The following RNF208 variants were observed in gnomAD, a reference collection of about 807,000 sequenced individuals.
RNF208 encodes ring finger protein 208.
A neutral mutation model predicts 15.2 loss-of-function variants in RNF208; 7 were observed. The observed-to-expected ratio is 0.46, with a 90% CI of 0.26 to 0.86. The LOEUF is 0.86. Ranked by LOEUF, RNF208 falls within the 40% of genes least tolerant of loss-of-function variation. The pLI is 0.16. For missense variants in RNF208, 342 were observed against 364.1 expected, an observed-to-expected ratio of 0.94 and a Z score of 0.49; for synonymous variants, 211 against 163.2, an observed-to-expected ratio of 1.29 and a Z score of -2.23.
chr9:137,220,368 G>T lies in RNF208; in HGVS notation c.*59C>A. On this transcript the variant is annotated 3_prime_UTR_variant, in exon 2 of 2. Transcript: ENST00000391553. ...GGTCAGCGGGCGGCAGGGCAGGGCC[G>T]GGTCCCTGAAGAAGCAGCGAGCGAG... 6.8e-7 allele frequency: 1 copy of T among 1,474,592 alleles called. No homozygotes were observed. The highest frequency in any genetic ancestry group is 2.4e-5 in the East Asian group (1 of 41,870). The allele number at this position is 1,474,592 out of a possible 1,614,324, so 91.3% of individuals were successfully genotyped here.
At position 137,220,655 on chromosome 9, in the gene RNF208, G is replaced by T; in HGVS notation, c.558C>A (p.Cys186Ter). 6.2e-7 allele frequency: 1 copy of T among 1,612,578 alleles called. No homozygotes were observed. The stretch of plus-strand genomic sequence containing the variant: ...GCACAGTCTCACGGCGGCAGGTGGG[G>T]CAGGAGATGAACTTGTACTTGGGGC... ...ESCPKYKFIS[C>*]PTCRRETVLF... The change falls in exon 2 of 2, where the codon TGC becomes TGA. Residue 186 changes from cysteine to a stop codon, truncating the protein, a stop_gained. Coordinates refer to ENST00000391553, the MANE Select transcript of RNF208 (RefSeq NM_031297.7). LOFTEE classifies it high-confidence loss of function.
upstream of RNF208, among the ~76,000 whole-genome samples, chr9:137,222,363 C>T (rs948111320): frequency 6.6e-6 from 1 of 151,218 alleles, no homozygotes; most frequent in African/African-American, 2.4e-5. Flanking sequence ...CCCCTCGGTC[C>T]GCTCCCGGCG....
At position 137,220,373 on chromosome 9, in the gene RNF208, C is replaced by A; in HGVS notation, c.*54G>T. On this transcript the variant is annotated 3_prime_UTR_variant, in exon 2 of 2. Coordinates refer to ENST00000391553, the MANE Select transcript of RNF208 (RefSeq NM_031297.7). ...GCGGGCGGCAGGGCAGGGCCGGGTC[C>A]CTGAAGAAGCAGCGAGCGAGGCTCA... 1 of 1,494,894 alleles carries A rather than the reference C, an allele frequency of 6.7e-7. No homozygotes were observed. Among genetic ancestry groups the A allele is most frequent in the East Asian group, 2.4e-5 (1 of 42,224 alleles). 92.6% of individuals were successfully genotyped at this position (1,494,894 alleles called of 1,614,324 possible). A position where few individuals can be genotyped will look rare whatever the true frequency, so the allele number is the denominator to read the frequency against.
At position 137,221,186 on chromosome 9, in the gene RNF208, C is replaced by T. The variant is rs745657357; in HGVS notation, c.27G>A (p.Ala9=). 8 of 1,515,260 alleles carry T rather than the reference C, an allele frequency of 5.3e-6. No homozygotes were observed. The highest frequency in any genetic ancestry group is 1.4e-5 in the African/African-American group (1 of 71,826). The allele number at this position is 1,515,260 out of a possible 1,614,324, so 93.9% of individuals were successfully genotyped here. MPSDPGPE[A]GSGWPGLLMS... ...TGAGGAGGCCCGGCCAGCCACTGCC[C>T]GCCTCGGGCCCGGGGTCAGAGGGCA... is the stretch of plus-strand genomic sequence containing the variant. Residue 9 remains alanine, a synonymous_variant, in exon 2 of 2, where the codon GCG becomes GCA. Transcript: ENST00000391553.
upstream of RNF208, among the ~76,000 whole-genome samples, chr9:137,222,604 G>T (rs542765605): frequency 2.8e-4 from 42 of 152,238 alleles, no homozygotes; most frequent in Non-Finnish European, 5.6e-4. Flanking sequence ...GCCTTCCCCC[G>T]TCCCCGGCCC....
upstream of RNF208, among the ~76,000 whole-genome samples, chr9:137,223,084 T>C (rs975950479): frequency 2.0e-5 from 3 of 152,244 alleles, no homozygotes; most frequent in Non-Finnish European, 4.4e-5. Flanking sequence ...GCACCTGCTC[T>C]AGGCAGAGCC....
rs1232995022 is a variant in RNF208 at position 137,221,170 on chromosome 9, C to G, written c.43G>C (p.Gly15Arg). Residue 15 changes from glycine (G) to arginine (R), a missense_variant, in exon 2 of 2, where the codon GGC becomes CGC. This residue lies in a region of RNF208 where 207 missense variants were observed against 193.7 expected (regional missense o/e 1.07). Transcript: ENST00000391553. ...CCCTTCAGGCAGGACATGAGGAGGC[C>G]CGGCCAGCCACTGCCCGCCTCGGGC... is the stretch of plus-strand genomic sequence containing the variant. ...PGPEAGSGWP[G>R]LLMSCLKGPH... is the part of the protein sequence containing the mutation. 6.5e-7 allele frequency: 1 copy of G among 1,542,900 alleles called. No individual in the cohort carries two copies. Among genetic ancestry groups the G allele is most frequent in the Non-Finnish European group, 8.8e-7 (1 of 1,141,434 alleles).
chr9:137,221,138 A>T lies in RNF208; in HGVS notation c.75T>A (p.His25Gln). ...TCATGGCCTCCATCTTGAGGATGAC[A>T]TGGGGACCCTTCAGGCAGGACATGA... is the stretch of plus-strand genomic sequence containing the variant. ...GLLMSCLKGPHVILKMEAMKI... is the reference protein window; with the variant it reads ...GLLMSCLKGPQVILKMEAMKI... Residue 25 changes from histidine to glutamine, a missense_variant, in exon 2 of 2, where the codon CAT (histidine) becomes CAA (glutamine). Physicochemically the swap from His to Gln is conservative, Grantham distance 24. This residue lies in a region of RNF208 where 207 missense variants were observed against 193.7 expected (regional missense o/e 1.07). Coordinates refer to ENST00000391553, the MANE Select transcript of RNF208 (RefSeq NM_031297.7). 6.3e-7 allele frequency: 1 copy of T among 1,592,582 alleles called. No homozygotes were observed. Among genetic ancestry groups the T allele is most frequent in the Non-Finnish European group, 8.6e-7 (1 of 1,168,262 alleles).
chr9:137,221,331 C>T lies in RNF208; in HGVS notation c.-119G>A, dbSNP rs1042851887. 4.4e-6 allele frequency: 3 copies of T among 688,900 alleles called. No individual in the cohort carries two copies. The highest frequency in any genetic ancestry group is 1.8e-5 in the African/African-American group (1 of 54,496). 42.7% of individuals were successfully genotyped at this position (688,900 alleles called of 1,614,324 possible). ...GGCCTGGGGGGGGCCCCGGACGGCC[C>T]GTGGACTCCTAGGGACAGCCGGCGA... On this transcript the variant is annotated 5_prime_UTR_variant, in exon 2 of 2. Transcript: ENST00000391553.
rs1835878541 is a variant in RNF208, at chr9:137,222,013, G to A, written c.-551C>T. ...CCTGCCCCAGCCTGGCGTCCCGGCC[G>A]CGCGCCGCCGCCGCAGAGGTTGTCT... On this transcript the variant is annotated 5_prime_UTR_variant, in exon 1 of 2. Transcript: ENST00000391553. Among the ~76,000 whole-genome samples, 1 of 151,150 alleles carries A rather than the reference G, an allele frequency of 6.6e-6. No individual in the cohort carries two copies. Among genetic ancestry groups the A allele is most frequent in the Admixed American group, 6.6e-5 (1 of 15,196 alleles).
chr9:137,222,518 G>A (rs968208364), upstream of RNF208, among the ~76,000 whole-genome samples: 2 of 152,162 alleles, frequency 1.3e-5, no homozygotes, highest in Admixed American at 6.5e-5. Flanking sequence ...ACAGTAGGAG[G>A]CCTCAGGACT....
rs1406139692 is a variant in RNF208 at position 137,221,252 on chromosome 9, G to A, written c.-40C>T. The A allele has an allele frequency of 2.6e-5, 36 of 1,390,062 alleles. No individual in the cohort carries two copies. The East Asian group carries it at 8.7e-4, about 34-fold the overall frequency. The allele number at this position is 1,390,062 out of a possible 1,614,324, so 86.1% of individuals were successfully genotyped here. A position where few individuals can be genotyped will look rare whatever the true frequency, so the allele number is the denominator to read the frequency against. ...TCAGACTGGATGTTCGGGTGGGTGG[G>A]GGCGTTGTGTGGGGCTGGGGGGCAG... On this transcript the variant is annotated 5_prime_UTR_variant, in exon 2 of 2. Transcript: ENST00000391553.
Position 137,220,271 on chromosome 9 carries a change from T to G in RNF208, c.*156A>C. On this transcript the variant is annotated 3_prime_UTR_variant, in exon 2 of 2. Transcript: ENST00000391553. Reference sequence around the variant, plus strand: ...AACAGGTGCAAACTTTGGCAAAGAGTTTTAATGGCAAAGTTGGCTGCAGCG... The same window carrying G: ...AACAGGTGCAAACTTTGGCAAAGAGGTTTAATGGCAAAGTTGGCTGCAGCG... 1.2e-6 allele frequency: 1 copy of G among 835,914 alleles called. No homozygotes were observed. The highest frequency in any genetic ancestry group is 1.8e-6 in the Non-Finnish European group (1 of 553,640). 51.8% of individuals were successfully genotyped at this position (835,914 alleles called of 1,614,324 possible). A position where few individuals can be genotyped will look rare whatever the true frequency, so the allele number is the denominator to read the frequency against.
At chr9:137,222,693 T>C (rs1040492431), upstream of RNF208, among the ~76,000 whole-genome samples, 6 of 152,142 alleles carry the variant, frequency 3.9e-5, no homozygotes, top group Admixed American at 2.6e-4. Flanking sequence ...GCTGTGACTC[T>C]AAGGGGCAAG....
Position 137,221,251 on chromosome 9 carries a change from G to T in RNF208, c.-39C>A. ...GTCAGACTGGATGTTCGGGTGGGTG[G>T]GGGCGTTGTGTGGGGCTGGGGGGCA... On this transcript the variant is annotated 5_prime_UTR_variant, in exon 2 of 2. Transcript: ENST00000391553. The T allele has an allele frequency of 2.9e-6, 4 of 1,389,318 alleles. No individual in the cohort carries two copies. The highest frequency in any genetic ancestry group is 1.5e-5 in the South Asian group (1 of 66,732). The allele number at this position is 1,389,318 out of a possible 1,614,324, so 86.1% of individuals were successfully genotyped here. A position where few individuals can be genotyped will look rare whatever the true frequency, so the allele number is the denominator to read the frequency against.
chr9:137,221,311 G>C lies in RNF208; in HGVS notation c.-99C>G. On this transcript the variant is annotated 5_prime_UTR_variant, in exon 2 of 2. Transcript: ENST00000391553. ...GCAGCATCCTGGTCCCGCCAGGCCT[G>C]GGGGGGGCCCCGGACGGCCCGTGGA... 1.1e-6 allele frequency: 1 copy of C among 901,218 alleles called. No homozygotes were observed. The highest frequency in any genetic ancestry group is 1.6e-6 in the Non-Finnish European group (1 of 642,082). 55.8% of individuals were successfully genotyped at this position (901,218 alleles called of 1,614,324 possible). A position where few individuals can be genotyped will look rare whatever the true frequency, so the allele number is the denominator to read the frequency against.
chr9:137,221,078 C>T lies in RNF208; in HGVS notation c.135G>A (p.Pro45=), dbSNP rs371992033. 169 of 1,604,490 alleles carry T rather than the reference C, an allele frequency of 1.1e-4. No individual in the cohort carries two copies. The highest frequency in any genetic ancestry group is 1.2e-4 in the Non-Finnish European group (145 of 1,176,232). Residue 45 remains proline (P), a synonymous_variant, in exon 2 of 2, where the codon CCG becomes CCA. Coordinates refer to ENST00000391553, the MANE Select transcript of RNF208 (RefSeq NM_031297.7). ...GAGCAGGCGGGAAGCAGGGGGCAGC[C>T]GGTAGCTCAGGGAACTTTTCAGGGT... ...IVHPEKFPEL[P]AAPCFPPAPR...
chr9:137,222,631 G>T (rs1257448304), upstream of RNF208, among the ~76,000 whole-genome samples: 3 of 152,242 alleles, frequency 2.0e-5, no homozygotes, highest in Non-Finnish European at 4.4e-5. Context: ...CCATGGGAAG[G>T]CCCCGAGTCC....
rs943782227 is a variant in RNF208, at chr9:137,220,688, G to A, written c.525C>T (p.Tyr175=). 1.6e-5 allele frequency: 26 copies of A among 1,612,470 alleles called. No homozygotes were observed. The highest frequency in any genetic ancestry group is 4.4e-5 in the South Asian group (4 of 91,090). The change falls in exon 2 of 2, where the codon TAC becomes TAT. Residue 175 remains tyrosine (Y), a synonymous_variant. Coordinates refer to ENST00000391553, the MANE Select transcript of RNF208 (RefSeq NM_031297.7). ...SVCEQCLQIL[Y]ESCPKYKFIS... ...TGAACTTGTACTTGGGGCAGGACTCGTAGAGAATCTGCAGGCACTGCTCAC... is the reference window on the plus strand; with the variant it reads ...TGAACTTGTACTTGGGGCAGGACTCATAGAGAATCTGCAGGCACTGCTCAC...
Sources: allele counts gnomAD v4.1 joint callset (sites outside exome capture counted in the v4.1 genomes callset), GRCh38; gene constraint gnomAD v4.1.1; regional missense constraint gnomAD v4.1.1; transcripts MANE v1.5; gene names NCBI Gene and HGNC (gene_info 2026-07-23, HGNC 2026-07-21).